The following CCSER1 variants were observed in gnomAD, a reference collection of about 807,000 sequenced individuals.
CCSER1 encodes the protein serine-rich coiled-coil domain-containing protein 1.
A neutral mutation model predicts 82.0 loss-of-function variants in CCSER1; 41 were observed. That is an observed-to-expected ratio of 0.50 (90% confidence interval 0.39 to 0.65). The LOEUF (loss-of-function observed/expected upper bound fraction) is 0.65. CCSER1 is among the 30% of genes least tolerant of loss of function. CCSER1 has a pLI of 0.00. For synonymous variants in CCSER1, 414 were observed against 383.9 expected, an observed-to-expected ratio of 1.08 and a Z score of -0.92; for missense variants, 1,119 against 1,064.2, an observed-to-expected ratio of 1.05 and a Z score of -0.72.
Position 91,192,503 on chromosome 4 carries a change from T to C in CCSER1, c.2217+106509T>C, listed in dbSNP as rs188569635. ...CACCTAGGAAATTATCTATTTTACT[T>C]GATGTTATGTTCTCATTTACTGAGA... On this transcript the variant is annotated intron_variant, in intron 10 of 10. Transcript: ENST00000509176. 1.7e-4 allele frequency among the ~76,000 whole-genome samples: 26 copies of C among 152,310 alleles called. 1 individual carries two copies. The East Asian group carries it at 5.0e-3, about 29-fold the overall frequency.
At chr4:91,079,698 G>A (rs1175906924) in intron 9 of CCSER1, among the ~76,000 whole-genome samples, 1 of 152,112 alleles carries the variant, frequency 6.6e-6, no homozygotes, top group Non-Finnish European at 1.5e-5. Flanking sequence ...GACAAATATA[G>A]GCTCAAAATA....
chr4:90,262,051 C>A (rs1291133357), intron 1 of CCSER1, among the ~76,000 whole-genome samples: 1 of 151,782 alleles, frequency 6.6e-6, no homozygotes, highest in Non-Finnish European at 1.5e-5. Context: ...TCTGGTATTT[C>A]CTTGAGTAGC....
At chr4:91,463,729 C>T (rs1143083) in intron 10 of CCSER1, among the ~76,000 whole-genome samples, 2 of 152,080 alleles carry the variant, frequency 1.3e-5, no homozygotes, top group South Asian at 2.1e-4. Flanking sequence ...GAAGCTGATT[C>T]GATCAATGGG....
chr4:90,151,576 T>C (rs1432326485), intron 1 of CCSER1, among the ~76,000 whole-genome samples: 1 of 152,054 alleles, frequency 6.6e-6, no homozygotes, highest in Non-Finnish European at 1.5e-5. Context: ...ATCTTAAAAA[T>C]CTAGAATAAA....
rs1461693128 is a variant in CCSER1 at position 91,326,647 on chromosome 4, C to T, written c.2217+240653C>T. On this transcript the variant is annotated intron_variant, in intron 10 of 10. Coordinates refer to ENST00000509176, the MANE Select transcript of CCSER1 (RefSeq NM_001145065.2). ...TTCCAGCAGTTCCCCAGAGTCCTAA[C>T]TCATTCCATCATTAAGTCAAAAGTC... Among the ~76,000 whole-genome samples the T allele has an allele frequency of 3.9e-5, 6 of 152,040 alleles. No homozygotes were observed. In the East Asian group the frequency reaches 1.2e-3, roughly 29 times the overall value.
chr4:90,249,678 C>T (rs1190198497), intron 1 of CCSER1, among the ~76,000 whole-genome samples: 1 of 152,104 alleles, frequency 6.6e-6, no homozygotes. Context: ...GTACTTTATT[C>T]CTTTTATTGC....
At chr4:91,207,304 A>G (rs1736427672) in intron 10 of CCSER1, among the ~76,000 whole-genome samples, 1 of 151,714 alleles carries the variant, frequency 6.6e-6, no homozygotes, top group South Asian at 2.1e-4. Context: ...TTCATCACCC[A>G]GGCATTAAGC....
chr4:90,543,370 G>A (rs983729495), intron 5 of CCSER1, among the ~76,000 whole-genome samples: 10 of 152,076 alleles, frequency 6.6e-5, no homozygotes, highest in African/African-American at 2.4e-4. Context: ...AAATATGCAG[G>A]TGGGCCCTAA....
chr4:91,350,945 TA>T (rs1748430298), intron 10 of CCSER1, among the ~76,000 whole-genome samples: 1 of 151,944 alleles, frequency 6.6e-6, no homozygotes, highest in African/African-American at 2.4e-5. Context: ...TTAAGCCCAA[TA>T]AAAAATTTAT....
intron 1 of CCSER1, among the ~76,000 whole-genome samples, chr4:90,153,062 A>G (rs1727211796): frequency 8.9e-6 from 1 of 112,496 alleles, no homozygotes; most frequent in Non-Finnish European, 1.7e-5. Context: ...CAGTCCCCAG[A>G]GTGTGATGTT....
intron 3 of CCSER1, among the ~76,000 whole-genome samples, chr4:90,365,639 C>G (rs1305456133): frequency 2.0e-5 from 3 of 151,676 alleles, no homozygotes; most frequent in South Asian, 2.1e-4. Context: ...ACAAGACAAT[C>G]CTTTGAATAC....
At chr4:90,395,399 T>C (rs1411468250) in intron 3 of CCSER1, among the ~76,000 whole-genome samples, 1 of 152,220 alleles carries the variant, frequency 6.6e-6, no homozygotes, top group South Asian at 2.1e-4. Context: ...TTTTTACATT[T>C]TGCAGATGTA....
intron 1 of CCSER1, among the ~76,000 whole-genome samples, chr4:90,138,129 C>G (rs1339461022): frequency 1.3e-5 from 2 of 152,130 alleles, no homozygotes; most frequent in African/African-American, 4.8e-5. Context: ...TGTAAAGATA[C>G]TCAGTATGGA....
intron 7 of CCSER1, among the ~76,000 whole-genome samples, chr4:90,789,993 C>T (rs971665048): frequency 3.3e-5 from 5 of 152,028 alleles, no homozygotes; most frequent in African/African-American, 1.2e-4. Context: ...ACTTCCATTC[C>T]ACTAGTATAC....
chr4:90,207,836 C>T (rs1739185595), intron 1 of CCSER1, among the ~76,000 whole-genome samples: 1 of 152,228 alleles, frequency 6.6e-6, no homozygotes, highest in Non-Finnish European at 1.5e-5. Flanking sequence ...GGCTGCAGAA[C>T]AGCAAAGATT....
intron 7 of CCSER1, among the ~76,000 whole-genome samples, chr4:90,769,535 G>C (rs1373288638): frequency 6.6e-6 from 1 of 152,144 alleles, no homozygotes; most frequent in African/African-American, 2.4e-5. Flanking sequence ...CTTCAGAATT[G>C]TTATAGGCCA....
intron 9 of CCSER1, among the ~76,000 whole-genome samples, chr4:90,992,088 G>A (rs1737088445): frequency 6.6e-6 from 1 of 151,968 alleles, no homozygotes; most frequent in Admixed American, 6.6e-5. Flanking sequence ...GTTTTACTTT[G>A]GTAAATTGCT....
chr4:91,019,345 T>C (rs1364129192), intron 9 of CCSER1, among the ~76,000 whole-genome samples: 1 of 152,108 alleles, frequency 6.6e-6, no homozygotes, highest in Non-Finnish European at 1.5e-5. Context: ...TGTAAAGCTA[T>C]TTAGAATTTA....
chr4:90,145,194 T>C (rs969454601), intron 1 of CCSER1, among the ~76,000 whole-genome samples: 1 of 152,138 alleles, frequency 6.6e-6, no homozygotes, highest in African/African-American at 2.4e-5. Context: ...TAGGCCCCAA[T>C]TAGATTTTAA....
Sources: allele counts gnomAD v4.1 joint callset (sites outside exome capture counted in the v4.1 genomes callset), GRCh38; gene constraint gnomAD v4.1.1; transcripts MANE v1.5; gene names NCBI Gene and HGNC (gene_info 2026-07-23, HGNC 2026-07-21).